USP34: variants seen among roughly 807,000 people sequenced by gnomAD.
USP34 encodes ubiquitin specific peptidase 34, also known as ubiquitin carboxyl-terminal hydrolase 34.
A neutral mutation model predicts 460.3 loss-of-function variants in USP34; 70 were observed. The ratio of observed to expected loss-of-function variants is 0.15; its 90% CI spans 0.13 to 0.19. USP34 has a LOEUF of 0.19. Ranked by LOEUF, USP34 falls within the 10% of genes least tolerant of loss-of-function variation. USP34 has a pLI of 1.00. For missense variants in USP34, 3,985 were observed against 4,236.2 expected (o/e 0.94, Z 1.65); for synonymous variants, 1,647 against 1,405.3 (o/e 1.17, Z -3.85).
intron 1 of USP34, among the ~76,000 whole-genome samples, chr2:61,461,712 A>G (rs1389146596): frequency 2.6e-5 from 4 of 152,182 alleles, no homozygotes; most frequent in Non-Finnish European, 4.4e-5. Flanking sequence ...GCCCTTACAC[A>G]GGCACGACTA....
intron 29 of USP34, among the ~76,000 whole-genome samples, chr2:61,299,122 G>A (rs1467402978): frequency 6.6e-6 from 1 of 152,032 alleles, no homozygotes; most frequent in Non-Finnish European, 1.5e-5. Context: ...TATTTCTTGG[G>A]AATTTAAGAA....
intron 53 of USP34, among the ~76,000 whole-genome samples, chr2:61,237,483 T>C (rs888581071): frequency 1.4e-4 from 21 of 152,048 alleles, no homozygotes; most frequent in African/African-American, 5.1e-4. Context: ...TGTTTTTGTT[T>C]TACAAACACT....
intron 78 of USP34, chr2:61,189,903 A>T (rs1486965661): frequency 6.1e-6 from 1 of 165,102 alleles, no homozygotes; most frequent in Non-Finnish European, 1.3e-5. Flanking sequence ...AATGCTCTAG[A>T]TTTAACTGCC....
intron 8 of USP34, among the ~76,000 whole-genome samples, 200 bp from the exon 9 acceptor site, chr2:61,370,779 T>G (rs1333961560): frequency 6.6e-6 from 1 of 152,186 alleles, no homozygotes; most frequent in Non-Finnish European, 1.5e-5. Flanking sequence ...TCCCTGAGTT[T>G]ATAAACAAGC....
rs549424144 is a variant in USP34 at position 61,405,903 on chromosome 2, T to C, written c.357A>G (p.Gln119=). Residue 119 remains glutamine (Q), a synonymous_variant, in exon 3 of 80, where the codon CAA becomes CAG. Transcript: ENST00000398571. The stretch of plus-strand genomic sequence containing the variant: ...AGTTTGATTTTTTTTCTATTGATTT[T>C]TGTCTTTCTGTACTTCCTTCATTAC... ...RECNEGSTER[Q]KSIEKKSNST... 8.1e-5 allele frequency: 131 copies of C among 1,613,654 alleles called. No homozygotes were observed. Among genetic ancestry groups the C allele is most frequent in the Non-Finnish European group, 1.1e-4 (126 of 1,179,958 alleles).
chr2:61,221,778 G>A (rs549950337), intron 65 of USP34, 172 bp from the exon 66 acceptor site: 17 of 528,214 alleles, frequency 3.2e-5, no homozygotes, highest in African/African-American at 1.8e-4. Context: ...CAGGATCAGC[G>A]AGGGGTACAA....
At chr2:61,429,787 C>G (rs1482152297) in intron 1 of USP34, among the ~76,000 whole-genome samples, 1 of 152,230 alleles carries the variant, frequency 6.6e-6, no homozygotes, top group Non-Finnish European at 1.5e-5. Flanking sequence ...TCTAGCTGGA[C>G]ACAGTGGCTC....
At chr2:61,266,435 T>C (rs1689048912) in intron 41 of USP34, among the ~76,000 whole-genome samples, 1 of 152,210 alleles carries the variant, frequency 6.6e-6, no homozygotes, top group East Asian at 1.9e-4. Context: ...TCTATTCCAT[T>C]AAGTGATGTA....
intron 3 of USP34, among the ~76,000 whole-genome samples, chr2:61,396,447 C>A (rs1693529619): frequency 6.6e-6 from 1 of 151,946 alleles, no homozygotes; most frequent in Non-Finnish European, 1.5e-5. Flanking sequence ...CAACTGACAT[C>A]CATCAATTTG....
intron 3 of USP34, among the ~76,000 whole-genome samples, chr2:61,402,910 T>C (rs1180660214): frequency 6.6e-6 from 1 of 152,164 alleles, no homozygotes; most frequent in African/African-American, 2.4e-5. Context: ...GTCTTTGATC[T>C]AAGACCATTT....
chr2:61,431,605 C>G (rs1694677451), intron 1 of USP34, among the ~76,000 whole-genome samples: 4 of 152,182 alleles, frequency 2.6e-5, no homozygotes, highest in Admixed American at 6.5e-5. Context: ...CCTGTAATCC[C>G]AGCACTCTGG....
chr2:61,437,479 GAAAT>G (rs1694844302), intron 1 of USP34, among the ~76,000 whole-genome samples: 1 of 152,004 alleles, frequency 6.6e-6, no homozygotes. Flanking sequence ...GAACCAATAA[GAAAT>G]AAAAAACCTG....
chr2:61,190,194 TAAA>T, intron 78 of USP34, 74 bp downstream of exon 78: 1 of 1,502,944 alleles, frequency 6.7e-7, no homozygotes, highest in Non-Finnish European at 8.9e-7. Context: ...GTTACGAGAG[TAAA>T]ATCATATGAA....
Position 61,453,177 on chromosome 2 carries a change from G to A in USP34, c.43+17473C>T, listed in dbSNP as rs558448318. 7.9e-5 allele frequency among the ~76,000 whole-genome samples: 12 copies of A among 151,502 alleles called. No individual in the cohort carries two copies. In the East Asian group the frequency reaches 9.8e-4, roughly 12 times the overall value. ...TATAATCCCAGCACTTAGGGAGGCC[G>A]AAGCGGGTGGATTGCTAGAGCCCAT... is the stretch of plus-strand genomic sequence containing the variant. On this transcript the variant is annotated intron_variant, in intron 1 of 79. Transcript: ENST00000398571.
chr2:61,422,553 T>TC (rs1694393444), intron 1 of USP34, among the ~76,000 whole-genome samples: 1 of 152,212 alleles, frequency 6.6e-6, no homozygotes, highest in Non-Finnish European at 1.5e-5. Flanking sequence ...GCTTTTCCTC[T>TC]AAGATTAGGA....
chr2:61,229,014 G>T lies in USP34; in HGVS notation c.7200-19C>A. 6.6e-7 allele frequency: 1 copy of T among 1,514,308 alleles called. No individual in the cohort carries two copies. The highest frequency in any genetic ancestry group is 1.8e-4 in the Middle Eastern group (1 of 5,556). The allele number at this position is 1,514,308 out of a possible 1,614,324, so 93.8% of individuals were successfully genotyped here. A position where few individuals can be genotyped will look rare whatever the true frequency, so the allele number is the denominator to read the frequency against. On this transcript the variant is annotated intron_variant, in intron 59 of 79. Coordinates refer to ENST00000398571, the MANE Select transcript of USP34 (RefSeq NM_014709.4). ...ATCTGACCTAAGAGACAATTAAATAGATCTTAGAGAATGTATGAGGTCTGG... is the reference window on the plus strand; with the variant it reads ...ATCTGACCTAAGAGACAATTAAATATATCTTAGAGAATGTATGAGGTCTGG...
At chr2:61,198,037 G>A (rs1686858708) in intron 75 of USP34, among the ~76,000 whole-genome samples, 1 of 152,184 alleles carries the variant, frequency 6.6e-6, no homozygotes, top group African/African-American at 2.4e-5. Context: ...GGGATTACAG[G>A]TATGAGCCAC....
intron 1 of USP34, among the ~76,000 whole-genome samples, chr2:61,462,282 C>T (rs1371713167): frequency 6.7e-6 from 1 of 149,940 alleles, no homozygotes; most frequent in Non-Finnish European, 1.5e-5. Flanking sequence ...GGCGTGGTGG[C>T]TCATGCCTGT....
intron 68 of USP34, among the ~76,000 whole-genome samples, chr2:61,213,303 C>A (rs770772809): frequency 4.6e-5 from 7 of 152,092 alleles, no homozygotes; most frequent in Non-Finnish European, 8.8e-5. Flanking sequence ...AGCCACTATG[C>A]CGGCCTGGGA....
Sources: gnomAD v4.1 joint callset for allele counts (sites outside exome capture counted in the v4.1 genomes callset) on GRCh38, gnomAD v4.1.1 for gene constraint, MANE v1.5 for transcripts, NCBI Gene and HGNC (gene_info 2026-07-23, HGNC 2026-07-21) for gene names.